Variants in C14orf39 observed in about 807,000 individuals in gnomAD.
The protein encoded by C14orf39 is protein SIX6OS1.
C14orf39 carries 66 observed loss-of-function variants against 85.6 expected under a neutral mutation model. The observed-to-expected ratio is 0.77, with a 90% CI of 0.63 to 0.95. C14orf39 has a LOEUF of 0.95. Among genes scored for constraint, C14orf39 ranks in the 40% least tolerant of loss-of-function variants. The pLI is 0.00. For synonymous variants in C14orf39, 242 were observed against 214.0 expected (o/e 1.13, Z -1.14); for missense variants, 735 against 663.9 (o/e 1.11, Z -1.18).
rs201260265 is a variant in C14orf39, at chr14:60,465,988, A to C, written c.963T>G (p.Asn321Lys). ...AAAGTGAGACACCTACCTGTGTATC[A>C]TTTTCTTTTTGTCTAAAGTCAATAT... Reference protein sequence around the residue: ...LANIDFRQKENDTQIFNDSAV... With the variant: ...LANIDFRQKEKDTQIFNDSAV... Residue 321 changes from asparagine to lysine, a missense_variant, in exon 11 of 18, where the codon AAT becomes AAG. Transcript: ENST00000321731. The C allele has an allele frequency of 6.4e-7, 1 of 1,552,506 alleles. No individual in the cohort carries two copies. The highest frequency in any genetic ancestry group is 1.2e-5 in the South Asian group (1 of 82,254).
intron 9 of C14orf39, among the ~76,000 whole-genome samples, chr14:60,467,784 G>A (rs1891868033): frequency 6.6e-6 from 1 of 151,702 alleles, no homozygotes; most frequent in South Asian, 2.1e-4. Context: ...AGAAGAATGT[G>A]TTGAAAAATC....
At chr14:60,455,613 T>C (rs1014427359) in intron 15 of C14orf39, among the ~76,000 whole-genome samples, 2 of 152,066 alleles carry the variant, frequency 1.3e-5, no homozygotes, top group Admixed American at 1.3e-4. Flanking sequence ...GGAAGTTAAA[T>C]TATAATATGA....
At chr14:60,501,188 T>A (rs1893141352) in intron 1 of C14orf39, among the ~76,000 whole-genome samples, 1 of 151,350 alleles carries the variant, frequency 6.6e-6, no homozygotes, top group African/African-American at 2.4e-5. Context: ...GTATCTGTAG[T>A]CCTAGATACT....
Position 60,455,008 on chromosome 14 carries a change from G to A in C14orf39, c.1496C>T (p.Ser499Leu). Reference protein sequence around the residue: ...DSSVFDTEISSDQFNEHYSAR... With the variant: ...DSSVFDTEISLDQFNEHYSAR... ...TTTGGCTTCTCATATTACCTGATCT[G>A]ATGAGATTTCTGTATCAAATACAGA... The change falls in exon 16 of 18, where the codon TCA becomes TTA. Residue 499 changes from serine (S) to leucine (L), a missense_variant. By Grantham distance (145) the Ser-to-Leu change is moderately radical. Transcript: ENST00000321731. 1.3e-6 allele frequency: 2 copies of A among 1,543,752 alleles called. No individual in the cohort carries two copies. The highest frequency in any genetic ancestry group is 8.7e-7 in the Non-Finnish European group (1 of 1,155,276).
chr14:60,465,946 T>G, intron 11 of C14orf39, 33 bp downstream of exon 11: 1 of 1,163,594 alleles, frequency 8.6e-7, no homozygotes, highest in South Asian at 1.5e-5. Context: ...CAAGCAGGTA[T>G]TTAATTTATA....
At chr14:60,490,865 T>C (rs78520124), upstream of C14orf39, among the ~76,000 whole-genome samples, 174 of 152,316 alleles carry the variant, frequency 1.1e-3, 2 homozygotes, top group East Asian at 0.02. Context: ...AACTGTCACC[T>C]ATTAACAGAT....
At chr14:60,460,769 T>C (rs1352307564) in intron 13 of C14orf39, among the ~76,000 whole-genome samples, 1 of 151,918 alleles carries the variant, frequency 6.6e-6, no homozygotes, top group East Asian at 1.9e-4. Context: ...TTGGGGATGA[T>C]AAATTCATAT....
chr14:60,436,574 G>A lies in C14orf39; in HGVS notation c.*271C>T, dbSNP rs1473670576. 1 of 230,510 alleles carries A rather than the reference G, an allele frequency of 4.3e-6. No homozygotes were observed. Among genetic ancestry groups the A allele is most frequent in the Admixed American group, 5.5e-5 (1 of 18,174 alleles). The allele number at this position is 230,510 out of a possible 1,614,324, so 14.3% of individuals were successfully genotyped here. On this transcript the variant is annotated 3_prime_UTR_variant, in exon 18 of 18. Transcript: ENST00000321731. ...GCTTAATATTTAAATAAAGAGTAAT[G>A]AAAAAAGCATCAAATTCTATTAAGA... is the stretch of plus-strand genomic sequence containing the variant.
intron 1 of C14orf39, among the ~76,000 whole-genome samples, chr14:60,499,642 G>A (rs1893112443): frequency 6.6e-6 from 1 of 152,228 alleles, no homozygotes; most frequent in Non-Finnish European, 1.5e-5. Flanking sequence ...GCAATACTAA[G>A]TATGGCCCCT....
At chr14:60,482,805 G>A (rs1055206048) in intron 4 of C14orf39, among the ~76,000 whole-genome samples, 6 of 151,776 alleles carry the variant, frequency 4.0e-5, no homozygotes, top group Non-Finnish European at 8.8e-5. Flanking sequence ...ATTAGGTATT[G>A]TTAAATGTTA....
intron 10 of C14orf39, among the ~76,000 whole-genome samples, chr14:60,466,574 T>C (rs1178927856): frequency 6.6e-6 from 1 of 151,928 alleles, no homozygotes; most frequent in Non-Finnish European, 1.5e-5. Context: ...TAGATACTAT[T>C]AGCATAAGTC....
At chr14:60,455,261 A>G (rs1436791791) in intron 15 of C14orf39, 116 bp from the exon 16 acceptor site, 1 of 667,712 alleles carries the variant, frequency 1.5e-6, no homozygotes, top group Non-Finnish European at 2.4e-6. Flanking sequence ...AAATGTAGGA[A>G]GTAGTTATTG....
chr14:60,511,342 A>C, intron 1 of C14orf39: 4 of 1,452,410 alleles, frequency 2.8e-6, no homozygotes, highest in Non-Finnish European at 3.9e-6. Context: ...AGACCTGCAA[A>C]TCCAGCGCCA....
chr14:60,484,024 T>C lies in C14orf39; in HGVS notation c.107-207A>G, dbSNP rs1184473733. Among the ~76,000 whole-genome samples, 1 of 152,084 alleles carries C rather than the reference T, an allele frequency of 6.6e-6. No individual in the cohort carries two copies. Among genetic ancestry groups the C allele is most frequent in the African/African-American group, 2.4e-5 (1 of 41,412 alleles). ...ATCCTAGAGCCAGAAGCTAAGAAGATTTTCAGTTTGGGAATGATGAAAAAA... is the reference window on the plus strand; with the variant it reads ...ATCCTAGAGCCAGAAGCTAAGAAGACTTTCAGTTTGGGAATGATGAAAAAA... On this transcript the variant is annotated intron_variant, in intron 3 of 17. Coordinates refer to ENST00000321731, the MANE Select transcript of C14orf39 (RefSeq NM_174978.3). This position sits in a 1 kb window ranked among gnomAD's most constrained non-coding sequence, Gnocchi z 4.2.
intron 15 of C14orf39, among the ~76,000 whole-genome samples, chr14:60,456,425 A>ACT (rs1239955322): frequency 1.3e-5 from 1 of 78,696 alleles, no homozygotes; most frequent in African/African-American, 3.5e-5. Flanking sequence ...TTTTAGCTTG[A>ACT]CTTTTTTTTT....
chr14:60,497,188 CT>C (rs1272915153), intron 2 of C14orf39, among the ~76,000 whole-genome samples: 1 of 152,190 alleles, frequency 6.6e-6, no homozygotes, highest in Non-Finnish European at 1.5e-5. Context: ...CTCTATCCTT[CT>C]TTATTTAATA....
chr14:60,459,572 A>C (rs1891428318), intron 13 of C14orf39, among the ~76,000 whole-genome samples: 1 of 151,716 alleles, frequency 6.6e-6, no homozygotes, highest in African/African-American at 2.4e-5. Flanking sequence ...GTATGGTCTC[A>C]ATATGTAATT....
intron 5 of C14orf39, among the ~76,000 whole-genome samples, chr14:60,473,645 T>C (rs1892217727): frequency 6.6e-6 from 1 of 152,218 alleles, no homozygotes; most frequent in African/African-American, 2.4e-5. Context: ...CCCAGCACCA[T>C]TTATTAAATA....
intron 1 of C14orf39, chr14:60,511,151 G>C: frequency 6.2e-7 from 1 of 1,612,944 alleles, no homozygotes; most frequent in Non-Finnish European, 8.5e-7. Flanking sequence ...CGGCACGCCA[G>C]AGGTGCTGGG....
Sources: allele counts gnomAD v4.1 joint callset (sites outside exome capture counted in the v4.1 genomes callset), GRCh38; gene constraint gnomAD v4.1.1; non-coding constraint Gnocchi (gnomAD v3.1); transcripts MANE v1.5; gene names NCBI Gene and HGNC (gene_info 2026-07-23, HGNC 2026-07-21).